MASTL: variants seen among roughly 807,000 people sequenced by gnomAD.
The protein encoded by MASTL is microtubule associated serine/threonine kinase like.
A neutral mutation model predicts 82.5 loss-of-function variants in MASTL; 54 were observed. The observed-to-expected ratio is 0.65, with a 90% confidence interval of 0.53 to 0.82. The LOEUF is 0.82. MASTL is among the 40% of genes least tolerant of loss of function. The pLI, the probability that MASTL is intolerant of heterozygous loss-of-function variation, is 0.00. For missense variants in MASTL, 950 were observed against 1,047.8 expected (o/e 0.91, Z 1.29); for synonymous variants, 323 against 368.9 (o/e 0.88, Z 1.43).
chr10:27,171,821 G>GTTTT (rs1176510939), intron 8 of MASTL, among the ~76,000 whole-genome samples: 9 of 71,212 alleles, frequency 1.3e-4, no homozygotes, highest in African/African-American at 5.0e-4. Context: ...TGAAAAATAT[G>GTTTT]TTTCTTTTTT....
chr10:27,168,582 T>A (rs1219657407), intron 7 of MASTL, among the ~76,000 whole-genome samples: 2 of 152,094 alleles, frequency 1.3e-5, no homozygotes, highest in Admixed American at 6.6e-5. Context: ...TTTGAGAGGC[T>A]AAAGTGGGTA....
rs2057770876 is a variant in MASTL at position 27,167,224 on chromosome 10, A to G, written c.934A>G (p.Ser312Gly). 3.7e-6 allele frequency: 6 copies of G among 1,613,972 alleles called. No homozygotes were observed. The highest frequency in any genetic ancestry group is 3.3e-5 in the Admixed American group (2 of 60,030). ...TAGTCAATCCCACACCTTCATATCC[A>G]GTGTGGAATCAGAATGCCACAGCAG... The part of the protein sequence containing the change: ...ASSQSHTFIS[S>G]VESECHSSPK... The change falls in exon 7 of 12, where the codon AGT becomes GGT. Residue 312 changes from serine to glycine, a missense_variant. Coordinates refer to ENST00000375940, the MANE Select transcript of MASTL (RefSeq NM_001172303.3).
intron 1 of MASTL, among the ~76,000 whole-genome samples, chr10:27,156,006 C>CT (rs1279741194): frequency 6.6e-6 from 1 of 151,128 alleles, no homozygotes; most frequent in African/African-American, 2.4e-5. Flanking sequence ...AGTTAGGTTT[C>CT]TTTTTTATTT....
Position 27,159,275 on chromosome 10 carries a change from C to A in MASTL, c.325-344C>A, listed in dbSNP as rs2057493765. ...AATTTTTTGTATAAATTAGCTGCCA[C>A]CAGGCCCAGCTAATTTTTTGTAATT... On this transcript the variant is annotated intron_variant, in intron 2 of 11. Coordinates refer to ENST00000375940, the MANE Select transcript of MASTL (RefSeq NM_001172303.3). This position sits in a 1 kb window ranked among gnomAD's most constrained non-coding sequence, Gnocchi z 4.0. Among the ~76,000 whole-genome samples the A allele has an allele frequency of 6.6e-6, 1 of 151,976 alleles. No homozygotes were observed. Among genetic ancestry groups the A allele is most frequent in the African/African-American group, 2.4e-5 (1 of 41,356 alleles).
chr10:27,164,580 A>C (rs1307907258), intron 4 of MASTL, among the ~76,000 whole-genome samples: 1 of 152,176 alleles, frequency 6.6e-6, no homozygotes, highest in Non-Finnish European at 1.5e-5. Context: ...CCTAGGCTTA[A>C]ACATATTAGC....
chr10:27,155,710 G>T, intron 1 of MASTL, 98 bp downstream of exon 1: 1 of 1,401,016 alleles, frequency 7.1e-7, no homozygotes, highest in Non-Finnish European at 1.0e-6. Context: ...GGAGCGAGGA[G>T]TCTGGGTGGC....
intron 11 of MASTL, among the ~76,000 whole-genome samples, chr10:27,185,829 C>G (rs1010937520): frequency 1.3e-5 from 2 of 151,028 alleles, no homozygotes; most frequent in Non-Finnish European, 2.9e-5. Flanking sequence ...GTGACTCACA[C>G]CTGTAATCCC....
chr10:27,165,636 G>T (rs992964941), intron 6 of MASTL, 97 bp downstream of exon 6: 4 of 1,351,598 alleles, frequency 3.0e-6, no homozygotes, highest in Non-Finnish European at 4.2e-6. Flanking sequence ...TTTTTGAGAC[G>T]GAGTCTTACT....
chr10:27,167,660 A>G (rs1282177972), intron 7 of MASTL, among the ~76,000 whole-genome samples: 1 of 152,140 alleles, frequency 6.6e-6, no homozygotes, highest in Non-Finnish European at 1.5e-5. Flanking sequence ...ACCTCCTTCT[A>G]TACTGTTTCC....
rs1195100422 is a variant in MASTL at position 27,187,674 on chromosome 10, C to T, written c.*1138C>T. Among the ~76,000 whole-genome samples, 1 of 151,848 alleles carries T rather than the reference C, an allele frequency of 6.6e-6. No homozygotes were observed. The highest frequency in any genetic ancestry group is 2.4e-5 in the African/African-American group (1 of 41,304). The stretch of plus-strand genomic sequence containing the variant: ...GGCTGAGGCATGAGAATCGCTTGAA[C>T]CCAGGAGGTGGAGATTGCAGTGAGC... On this transcript the variant is annotated 3_prime_UTR_variant, in exon 12 of 12. Transcript: ENST00000375940.
At chr10:27,165,679 C>T in intron 6 of MASTL, 140 bp downstream of exon 6, 3 of 952,276 alleles carry the variant, frequency 3.2e-6, no homozygotes, top group Non-Finnish European at 3.2e-6. Flanking sequence ...ATGGCGCGAT[C>T]TCGGCGGCTC....
At chr10:27,184,512 G>A (rs2058528018) in intron 11 of MASTL, among the ~76,000 whole-genome samples, 1 of 150,332 alleles carries the variant, frequency 6.7e-6, no homozygotes, top group East Asian at 1.9e-4. Context: ...CAACATATTG[G>A]TCAGATTGCC....
chr10:27,182,230 G>A (rs544608287), intron 11 of MASTL, among the ~76,000 whole-genome samples: 1 of 139,364 alleles, frequency 7.2e-6, no homozygotes, highest in Non-Finnish European at 1.5e-5. Context: ...CAGCCTGGGC[G>A]ACAGAGACTC....
intron 4 of MASTL, among the ~76,000 whole-genome samples, chr10:27,162,047 A>G (rs372296585): frequency 2.1e-4 from 32 of 152,210 alleles, no homozygotes; most frequent in African/African-American, 6.8e-4. Context: ...ACACTATTAA[A>G]TGGGCAAAAG....
chr10:27,170,613 A>G lies in MASTL; in HGVS notation c.1654A>G (p.Ser552Gly), dbSNP rs369253474. 2.0e-4 allele frequency: 328 copies of G among 1,607,272 alleles called. No homozygotes were observed. The highest frequency in any genetic ancestry group is 2.7e-4 in the Non-Finnish European group (319 of 1,177,568). ...TAGTAAGAGGGACTACTTAAGTTCT[A>G]GTTTTCTATGTTCTGATGATGATAG... ...KNSKRDYLSS[S>G]FLCSDDDRAS... Residue 552 changes from serine to glycine, a missense_variant, in exon 8 of 12, where the codon AGT (serine) becomes GGT (glycine). By Grantham distance (56) the Ser-to-Gly change is moderately conservative. Transcript: ENST00000375940.
intron 1 of MASTL, among the ~76,000 whole-genome samples, chr10:27,158,035 A>G (rs1036179435): frequency 1.3e-5 from 2 of 152,120 alleles, no homozygotes; most frequent in African/African-American, 4.8e-5. Context: ...TTCCTTCTTG[A>G]AAGAGATTAT....
At chr10:27,168,192 C>T (rs191603880) in intron 7 of MASTL, among the ~76,000 whole-genome samples, 136 of 152,274 alleles carry the variant, frequency 8.9e-4, no homozygotes, top group African/African-American at 3.1e-3. Context: ...ATCAAATTAA[C>T]GTTTAACTAA....
intron 6 of MASTL, among the ~76,000 whole-genome samples, chr10:27,166,462 C>G (rs2057745555): frequency 6.6e-6 from 1 of 152,104 alleles, no homozygotes; most frequent in Admixed American, 6.6e-5. Flanking sequence ...TGGATGATAG[C>G]TATTCCAAAT....
At chr10:27,155,748 G>A (rs2057342540) in intron 1 of MASTL, 136 bp downstream of exon 1, 11 of 945,746 alleles carry the variant, frequency 1.2e-5, no homozygotes, top group Non-Finnish European at 1.6e-5. Context: ...CCAGAGCCCT[G>A]CGAGCTGACT....
Sources: allele counts gnomAD v4.1 joint callset (sites outside exome capture counted in the v4.1 genomes callset), GRCh38; gene constraint gnomAD v4.1.1; non-coding constraint Gnocchi (gnomAD v3.1); transcripts MANE v1.5; gene names NCBI Gene and HGNC (gene_info 2026-07-23, HGNC 2026-07-21).